CNOT2: variants seen among roughly 807,000 people sequenced by gnomAD.
CNOT2 encodes the protein CC chemokine receptor 4-negative regulator of transcription 2.
Under a neutral mutation model 72.1 loss-of-function variants are expected in CNOT2, and 7 were observed. The observed-to-expected ratio is 0.10, with a 90% CI of 0.06 to 0.18. The LOEUF is 0.18. Ranked by LOEUF, CNOT2 falls within the 10% of genes least tolerant of loss-of-function variation. The pLI is 1.00. For synonymous variants in CNOT2, 196 were observed against 225.6 expected (o/e 0.87, Z 1.17); for missense variants, 345 against 660.3 (o/e 0.52, Z 5.23).
chr12:70,319,462 G>A, intron 4 of CNOT2, 98 bp downstream of exon 4: 1 of 1,175,562 alleles, frequency 8.5e-7, no homozygotes, highest in East Asian at 2.4e-5. Context: ...TGGGTTTATT[G>A]TATGACTTAA....
intron 1 of CNOT2, among the ~76,000 whole-genome samples, chr12:70,256,978 A>G (rs1958484150): frequency 6.6e-6 from 1 of 152,196 alleles, no homozygotes; most frequent in African/African-American, 2.4e-5. Flanking sequence ...CCAAAACAGG[A>G]TTCTTAATGG....
At chr12:70,338,932 C>G (rs1435866987) in intron 11 of CNOT2, 110 bp downstream of exon 11, 19 of 867,262 alleles carry the variant, frequency 2.2e-5, no homozygotes, top group Non-Finnish European at 3.2e-5. Context: ...TGTTAACCTG[C>G]TGATTCTCTG....
chr12:70,308,937 T>C (rs1875965181), intron 2 of CNOT2, among the ~76,000 whole-genome samples: 1 of 152,184 alleles, frequency 6.6e-6, no homozygotes, highest in Non-Finnish European at 1.5e-5. Flanking sequence ...GTTTATTCTT[T>C]CTTAGAATTA....
At chr12:70,273,025 C>T (rs1404436092) in intron 1 of CNOT2, among the ~76,000 whole-genome samples, 1 of 152,118 alleles carries the variant, frequency 6.6e-6, no homozygotes, top group Non-Finnish European at 1.5e-5. Flanking sequence ...AGTCATTACT[C>T]CAGTAATTTC....
Position 70,354,105 on chromosome 12 carries a change from A to G in CNOT2, c.*190A>G. ...CCTTACTAATTATGTGCTGCCCAAC[A>G]ACTAAATTTGTAATTTGTTTTTCTC... On this transcript the variant is annotated 3_prime_UTR_variant, in exon 16 of 16. Transcript: ENST00000229195. 9.5e-7 allele frequency: 1 copy of G among 1,056,938 alleles called. No individual in the cohort carries two copies. Among genetic ancestry groups the G allele is most frequent in the East Asian group, 2.9e-5 (1 of 34,390 alleles). 65.5% of individuals were successfully genotyped at this position (1,056,938 alleles called of 1,614,324 possible).
intron 2 of CNOT2, chr12:70,301,705 G>T (rs953329594): frequency 7.9e-5 from 12 of 152,296 alleles, no homozygotes; most frequent in Middle Eastern, 3.4e-3. Context: ...TCTCTGCCAG[G>T]CTTTGGTATC....
intron 1 of CNOT2, among the ~76,000 whole-genome samples, chr12:70,249,979 T>A (rs1390504602): frequency 6.6e-6 from 1 of 152,114 alleles, no homozygotes; most frequent in Non-Finnish European, 1.5e-5. Flanking sequence ...CTTTCTAATC[T>A]ATGCTTGCTT....
intron 1 of CNOT2, among the ~76,000 whole-genome samples, chr12:70,267,335 G>C (rs1405415173): frequency 6.6e-6 from 1 of 152,050 alleles, no homozygotes; most frequent in Non-Finnish European, 1.5e-5. Context: ...GTGTTCCTTG[G>C]CTTATCCCTG....
rs746653135 is a variant in CNOT2, at chr12:70,310,927, G to A, written c.81G>A (p.Lys27=). 19 of 1,611,802 alleles carry A rather than the reference G, an allele frequency of 1.2e-5. No individual in the cohort carries two copies. Among genetic ancestry groups the A allele is most frequent in the Non-Finnish European group, 1.6e-5 (19 of 1,178,342 alleles). Residue 27 remains lysine (K), a synonymous_variant, in exon 3 of 16, where the codon AAG becomes AAA. Coordinates refer to ENST00000229195, the MANE Select transcript of CNOT2 (RefSeq NM_014515.7). ...ACAGCATGTTTGGTGCTTCAAGAAA[G>A]AAGTTTGTAGAGGGGGTCGACAGTG... The part of the protein sequence containing the change: ...VTNSMFGASR[K]KFVEGVDSDY...
chr12:70,256,582 TAAAAA>T (rs372870920), intron 1 of CNOT2, among the ~76,000 whole-genome samples: 2 of 108,472 alleles, frequency 1.8e-5, no homozygotes, highest in Non-Finnish European at 3.8e-5. Flanking sequence ...GACCTGTGGG[TAAAAA>T]AAAAAAAAAA....
At chr12:70,254,573 G>C (rs139224012) in intron 1 of CNOT2, among the ~76,000 whole-genome samples, 1 of 152,170 alleles carries the variant, frequency 6.6e-6, no homozygotes, top group Admixed American at 6.5e-5. Context: ...CGCGGATAAG[G>C]GGAGAACTAC....
chr12:70,267,592 C>T (rs1959112808), intron 1 of CNOT2, among the ~76,000 whole-genome samples: 1 of 152,238 alleles, frequency 6.6e-6, no homozygotes, highest in South Asian at 2.1e-4. Context: ...ACTCACTGCA[C>T]TGCACTTATA....
At chr12:70,318,603 T>C (rs1877756865) in intron 3 of CNOT2, among the ~76,000 whole-genome samples, 1 of 151,860 alleles carries the variant, frequency 6.6e-6, no homozygotes, top group Non-Finnish European at 1.5e-5. Context: ...CCAGTGATGT[T>C]TCATGTTTCC....
At chr12:70,273,697 A>G (rs558101404) in intron 1 of CNOT2, among the ~76,000 whole-genome samples, 3 of 152,280 alleles carry the variant, frequency 2.0e-5, no homozygotes, top group Non-Finnish European at 4.4e-5. Context: ...GATTCCCTTT[A>G]TAAGTATTCA....
chr12:70,309,570 A>C (rs1876092882), intron 2 of CNOT2, among the ~76,000 whole-genome samples: 1 of 152,168 alleles, frequency 6.6e-6, no homozygotes, highest in South Asian at 2.1e-4. Flanking sequence ...CATTTTTTGA[A>C]ATGAGACATG....
chr12:70,294,571 C>T (rs1872523678), intron 2 of CNOT2, among the ~76,000 whole-genome samples: 1 of 151,836 alleles, frequency 6.6e-6, no homozygotes, highest in African/African-American at 2.4e-5. Context: ...TTTATATTCT[C>T]CACAGTGTAT....
intron 1 of CNOT2, among the ~76,000 whole-genome samples, chr12:70,245,262 C>A (rs1593008471): frequency 6.6e-6 from 1 of 152,284 alleles, no homozygotes; most frequent in South Asian, 2.1e-4. Flanking sequence ...ATACAAAATA[C>A]ACTTAAAGAC....
chr12:70,337,802 G>T (rs775013086), intron 9 of CNOT2: 1 of 479,286 alleles, frequency 2.1e-6, no homozygotes, highest in South Asian at 1.6e-5. Flanking sequence ...AGCCTTCTAA[G>T]GAGCTGTGTT....
At chr12:70,321,829 G>A (rs1286551520) in intron 4 of CNOT2, 1 of 150,702 alleles carries the variant, frequency 6.6e-6, no homozygotes, top group Non-Finnish European at 1.5e-5. Flanking sequence ...ATACAGAAGT[G>A]CTTAAACTTA....
Sources: gnomAD v4.1 joint callset for allele counts (sites outside exome capture counted in the v4.1 genomes callset) on GRCh38, gnomAD v4.1.1 for gene constraint, MANE v1.5 for transcripts, NCBI Gene and HGNC (gene_info 2026-07-23, HGNC 2026-07-21) for gene names.